CD44: variants seen among roughly 807,000 people sequenced by gnomAD.
The protein encoded by CD44 is CD44 antigen.
A neutral mutation model predicts 88.8 loss-of-function variants in CD44; 49 were observed. The ratio of observed to expected loss-of-function variants is 0.55; its 90% CI spans 0.44 to 0.70. CD44 has a LOEUF of 0.70. CD44 is among the 30% of genes least tolerant of loss of function. The probability of loss-of-function intolerance (pLI) is 0.00; values close to 1 mark genes in which losing one functional copy is unlikely to be tolerated. For synonymous variants in CD44, 325 were observed against 312.3 expected, an observed-to-expected ratio of 1.04 and a Z score of -0.43; for missense variants, 883 against 913.8, an observed-to-expected ratio of 0.97 and a Z score of 0.43.
intron 1 of CD44, among the ~76,000 whole-genome samples, chr11:35,141,881 G>C (rs1002989241): frequency 6.6e-6 from 1 of 152,224 alleles, no homozygotes; most frequent in African/African-American, 2.4e-5. Flanking sequence ...AGGAGGAAAG[G>C]GGAAGGAAAG....
intron 1 of CD44, among the ~76,000 whole-genome samples, chr11:35,172,397 G>A (rs1464182671): frequency 1.3e-5 from 2 of 152,212 alleles, no homozygotes; most frequent in African/African-American, 2.4e-5. Flanking sequence ...TGAGTGGAAA[G>A]TTTGCTCAAC....
intron 3 of CD44, among the ~76,000 whole-genome samples, chr11:35,181,858 AATTT>A (rs555273503): frequency 0.038 from 2,844 of 74,008 alleles, 72 homozygotes; most frequent in East Asian, 0.094. Context: ...TTTATATATA[AATTT>A]ATATATATAT....
intron 1 of CD44, among the ~76,000 whole-genome samples, chr11:35,143,684 C>T (rs1316608985): frequency 6.6e-6 from 1 of 152,050 alleles, no homozygotes; most frequent in East Asian, 1.9e-4. Context: ...GGTGGCTTCT[C>T]TCTCCATCCC....
chr11:35,171,512 G>A lies in CD44; in HGVS notation c.68-5063G>A, dbSNP rs796801941. Among the ~76,000 whole-genome samples the A allele has an allele frequency of 2.0e-5, 3 of 152,176 alleles. No individual in the cohort carries two copies. The South Asian group carries it at 6.2e-4, about 31-fold the overall frequency. On this transcript the variant is annotated intron_variant, in intron 1 of 17. Coordinates refer to ENST00000428726, the MANE Select transcript of CD44 (RefSeq NM_000610.4). Reference sequence around the variant, plus strand: ...AGCCTTCACATCTAGGAAGGCTAAAGGTTGAGTTTGTCTGTTTCATCCTGT... The same window carrying A: ...AGCCTTCACATCTAGGAAGGCTAAAAGTTGAGTTTGTCTGTTTCATCCTGT...
intron 9 of CD44, among the ~76,000 whole-genome samples, chr11:35,202,651 G>A (rs1947424524): frequency 6.6e-6 from 1 of 152,136 alleles, no homozygotes; most frequent in South Asian, 2.1e-4. Flanking sequence ...AAAACCAAAG[G>A]GCTTTGGGAA....
chr11:35,215,610 A>G (rs993352237), intron 15 of CD44, among the ~76,000 whole-genome samples: 12 of 152,158 alleles, frequency 7.9e-5, no homozygotes, highest in African/African-American at 2.9e-4. Context: ...TCGGCCAGGC[A>G]CGGTGGCTCA....
chr11:35,216,350 T>C (rs771820037), intron 15 of CD44, among the ~76,000 whole-genome samples: 3 of 152,156 alleles, frequency 2.0e-5, no homozygotes, highest in Non-Finnish European at 4.4e-5. Context: ...GGTGACCCCA[T>C]GTAAATGATT....
chr11:35,222,877 G>A lies in CD44; in HGVS notation c.2024+1145G>A, dbSNP rs557015351. 1.5e-5 allele frequency: 15 copies of A among 985,306 alleles called. No individual in the cohort carries two copies. The African/African-American group carries it at 1.7e-4, about 11-fold the overall frequency. 61.0% of individuals were successfully genotyped at this position (985,306 alleles called of 1,614,324 possible). A position where few individuals can be genotyped will look rare whatever the true frequency, so the allele number is the denominator to read the frequency against. Reference sequence around the variant, plus strand: ...TATTGTGTCCCCAGATCACCTCACAGGGCAGAAAAATGCCCCTCAGTCTGG... The same window carrying A: ...TATTGTGTCCCCAGATCACCTCACAAGGCAGAAAAATGCCCCTCAGTCTGG... On this transcript the variant is annotated intron_variant, in intron 17 of 17. Coordinates refer to ENST00000428726, the MANE Select transcript of CD44 (RefSeq NM_000610.4).
chr11:35,152,754 T>C (rs1163367414), intron 1 of CD44, among the ~76,000 whole-genome samples: 1 of 152,192 alleles, frequency 6.6e-6, no homozygotes, highest in Non-Finnish European at 1.5e-5. Context: ...GGGCCCAGTA[T>C]TGGCTCAGGC....
chr11:35,210,188 CTGG>C (rs907897104), intron 13 of CD44, 134 bp downstream of exon 13: 16 of 542,056 alleles, frequency 3.0e-5, no homozygotes, highest in Non-Finnish European at 3.2e-6. Context: ...AAAGGTGCGT[CTGG>C]TGGTGGTTCT....
At chr11:35,219,622 A>G (rs144898053) in intron 16 of CD44, among the ~76,000 whole-genome samples, 1 of 152,344 alleles carries the variant, frequency 6.6e-6, no homozygotes, top group East Asian at 1.9e-4. Flanking sequence ...TCATACTCAG[A>G]TCTGTCCCTG....
intron 17 of CD44, chr11:35,222,434 G>A (rs1949379119): frequency 7.7e-7 from 1 of 1,293,166 alleles, no homozygotes; most frequent in Middle Eastern, 2.1e-4. Context: ...CTTGCTGTTA[G>A]GAGGTCTATG....
At chr11:35,152,320 C>A (rs556365374) in intron 1 of CD44, among the ~76,000 whole-genome samples, 13 of 152,280 alleles carry the variant, frequency 8.5e-5, no homozygotes, top group African/African-American at 3.1e-4. Context: ...AGGCTAGCTA[C>A]CTGGGCAGGT....
In CD44 at chr11:35,146,196, G is replaced by A. The variant is rs1029513982; in HGVS notation, c.67+6826G>A. Reference sequence around the variant, plus strand: ...GTGTGGGCAGACAGATCTCAGGTGGGTGGGGAGGGACTGAGTCACCAAGGA... The same window carrying A: ...GTGTGGGCAGACAGATCTCAGGTGGATGGGGAGGGACTGAGTCACCAAGGA... On this transcript the variant is annotated intron_variant, in intron 1 of 17. Coordinates refer to ENST00000428726, the MANE Select transcript of CD44 (RefSeq NM_000610.4). 4.9e-4 allele frequency among the ~76,000 whole-genome samples: 75 copies of A among 152,200 alleles called. 1 individual carries two copies. Among genetic ancestry groups the A allele is most frequent in the Admixed American group, 4.9e-3 (75 of 15,284 alleles).
At position 35,198,225 on chromosome 11, in the gene CD44, G is replaced by A; in HGVS notation, c.901G>A (p.Glu301Lys). 2 of 1,613,978 alleles carry A rather than the reference G, an allele frequency of 1.2e-6. No homozygotes were observed. The highest frequency in any genetic ancestry group is 1.7e-6 in the Non-Finnish European group (2 of 1,179,856). ...SFSGSGIDDD[E>K]DFISSTISTT... Reference sequence around the variant, plus strand: ...TTCTGGATCAGGCATTGATGATGATGAAGATTTTATCTCCAGCACCAGTAA... The same window carrying A: ...TTCTGGATCAGGCATTGATGATGATAAAGATTTTATCTCCAGCACCAGTAA... Residue 301 changes from glutamate to lysine, a missense_variant, in exon 7 of 18, where the codon GAA becomes AAA. Physicochemically the swap from Glu to Lys is moderately conservative, Grantham distance 56 (BLOSUM62 1). Around this residue, in one of 2 missense-constraint regions of CD44, gnomAD observed 631 missense variants for 590.9 expected, o/e 1.07. Coordinates refer to ENST00000428726, the MANE Select transcript of CD44 (RefSeq NM_000610.4).
chr11:35,188,205 C>T (rs1411804771), intron 4 of CD44, among the ~76,000 whole-genome samples: 1 of 152,172 alleles, frequency 6.6e-6, no homozygotes, highest in East Asian at 1.9e-4. Context: ...TGAGAATCTT[C>T]GTAGACCATA....
chr11:35,180,231 T>C, intron 2 of CD44, 43 bp from the exon 3 acceptor site: 3 of 1,606,498 alleles, frequency 1.9e-6, no homozygotes, highest in Non-Finnish European at 2.6e-6. Context: ...GAAATTCCCA[T>C]CTTAGCCATT....
intron 11 of CD44, among the ~76,000 whole-genome samples, chr11:35,207,101 G>A (rs572560574): frequency 8.9e-4 from 136 of 152,188 alleles, no homozygotes; most frequent in Non-Finnish European, 1.6e-3. Context: ...ACTTTTTCTG[G>A]GAGAATGTCC....
intron 1 of CD44, among the ~76,000 whole-genome samples, chr11:35,146,884 A>G (rs1189996896): frequency 6.6e-6 from 1 of 152,214 alleles, no homozygotes; most frequent in African/African-American, 2.4e-5. Flanking sequence ...TGTCAGAGGA[A>G]GGGGTTAGAA....
Sources: gnomAD v4.1 joint callset for allele counts (sites outside exome capture counted in the v4.1 genomes callset) on GRCh38, gnomAD v4.1.1 for gene constraint, gnomAD v4.1.1 regional missense constraint, MANE v1.5 for transcripts, NCBI Gene and HGNC (gene_info 2026-07-23, HGNC 2026-07-21) for gene names.